Variants in SPRED2 observed in about 807,000 individuals in gnomAD.
SPRED2 encodes the protein sprouty-related, EVH1 domain-containing protein 2.
SPRED2 carries 47 observed loss-of-function variants against 43.0 expected under a neutral mutation model. That is an observed-to-expected ratio of 1.09 (90% CI 0.87 to 1.40). The LOEUF (loss-of-function observed/expected upper bound fraction) is 1.40, where lower values mean the gene tolerates loss of function less well. SPRED2 is among the 40% of genes most tolerant of loss of function. The pLI is 0.00. For missense variants in SPRED2, 561 were observed against 586.4 expected, an observed-to-expected ratio of 0.96 and a Z score of 0.45; for synonymous variants, 225 against 225.7, an observed-to-expected ratio of 1.00 and a Z score of 0.03.
Position 65,432,231 on chromosome 2 carries a change from G to A in SPRED2, c.-244C>T, listed in dbSNP as rs1236225455. 1.8e-6 allele frequency: 1 copy of A among 541,838 alleles called. No individual in the cohort carries two copies. Among genetic ancestry groups the A allele is most frequent in the African/African-American group, 1.9e-5 (1 of 51,980 alleles). 33.6% of individuals were successfully genotyped at this position (541,838 alleles called of 1,614,324 possible). On this transcript the variant is annotated 5_prime_UTR_variant, in exon 1 of 6. Transcript: ENST00000356388. ...GCAGCGCCGTGGGGAGAGGCGGGCGGAGGCTCCGGGGGCTCGGGAGCGGGC... is the reference window on the plus strand; with the variant it reads ...GCAGCGCCGTGGGGAGAGGCGGGCGAAGGCTCCGGGGGCTCGGGAGCGGGC...
chr2:65,424,532 T>A, intron 1 of SPRED2, among the ~76,000 whole-genome samples: 1 of 152,084 alleles, frequency 6.6e-6, no homozygotes, highest in East Asian at 1.9e-4. Flanking sequence ...GAGGCTGAGA[T>A]GGGAGCACTG....
chr2:65,378,578 T>C (rs1045021258), intron 1 of SPRED2, among the ~76,000 whole-genome samples: 10 of 152,318 alleles, frequency 6.6e-5, no homozygotes, highest in South Asian at 6.2e-4. Flanking sequence ...AAAATGGCTA[T>C]ATGCCACTGA....
At position 65,314,134 on chromosome 2, in the gene SPRED2, C is replaced by T; in HGVS notation, c.624G>A (p.Pro208=). ...MPRPYRQVSF[P]DDDEEIVRIN... The stretch of plus-strand genomic sequence containing the variant: ...TGCGCACGATCTCCTCGTCGTCGTC[C>T]GGGAAGCTCACCTGGCGGTAGGGCC... The change falls in exon 6 of 6, where the codon CCG becomes CCA. Residue 208 remains proline, a synonymous_variant. Coordinates refer to ENST00000356388, the MANE Select transcript of SPRED2 (RefSeq NM_181784.3). The T allele has an allele frequency of 1.2e-6, 2 of 1,602,538 alleles. No homozygotes were observed. Among genetic ancestry groups the T allele is most frequent in the Non-Finnish European group, 1.7e-6 (2 of 1,170,620 alleles).
At chr2:65,323,033 C>T (rs1184883808) in intron 4 of SPRED2, among the ~76,000 whole-genome samples, 8 of 152,114 alleles carry the variant, frequency 5.3e-5, no homozygotes, top group South Asian at 2.1e-4. Flanking sequence ...CTCGCTCTGT[C>T]GCCCAGGCTG....
chr2:65,424,510 G>A (rs370987387), intron 1 of SPRED2, among the ~76,000 whole-genome samples: 15 of 152,040 alleles, frequency 9.9e-5, no homozygotes, highest in South Asian at 8.3e-4. Flanking sequence ...ACCTGTGGTC[G>A]CAGCTACTTG....
chr2:65,420,078 C>T (rs572430268), intron 1 of SPRED2, among the ~76,000 whole-genome samples: 10 of 151,978 alleles, frequency 6.6e-5, no homozygotes, highest in Admixed American at 5.2e-4. Context: ...GGCGTGGTGG[C>T]GCTTGCCTGT....
intron 1 of SPRED2, among the ~76,000 whole-genome samples, chr2:65,351,172 T>G (rs1422341567): frequency 1.3e-5 from 2 of 152,110 alleles, no homozygotes; most frequent in Non-Finnish European, 2.9e-5. Context: ...GCAGGGAAGC[T>G]GTCAGGCTCT....
At chr2:65,422,576 AT>A (rs1314039868) in intron 1 of SPRED2, among the ~76,000 whole-genome samples, 1 of 152,040 alleles carries the variant, frequency 6.6e-6, no homozygotes, top group Non-Finnish European at 1.5e-5. Context: ...CCACTCATTT[AT>A]TTTATCCAAT....
At chr2:65,346,787 C>T (rs1209228423) in intron 1 of SPRED2, among the ~76,000 whole-genome samples, 1 of 152,138 alleles carries the variant, frequency 6.6e-6, no homozygotes, top group Non-Finnish European at 1.5e-5. Context: ...ACACCCTGAC[C>T]CCTCTCACAA....
At chr2:65,406,992 C>T (rs1676039645) in intron 1 of SPRED2, among the ~76,000 whole-genome samples, 1 of 151,462 alleles carries the variant, frequency 6.6e-6, no homozygotes, top group Admixed American at 6.6e-5. Context: ...GCAGTGGTGC[C>T]ATCTCGGCTC....
chr2:65,377,850 G>A (rs1249201520), intron 1 of SPRED2: 1 of 377,650 alleles, frequency 2.6e-6, no homozygotes, highest in Non-Finnish European at 5.3e-6. Context: ...CTCCAGCAAA[G>A]GGGCAGGAAA....
intron 1 of SPRED2, among the ~76,000 whole-genome samples, chr2:65,348,807 T>A (rs565546997): frequency 3.1e-4 from 44 of 141,712 alleles, no homozygotes; most frequent in Admixed American, 1.0e-3. Flanking sequence ...AAAAAAAAAA[T>A]CTATGGCTAA....
intron 1 of SPRED2, among the ~76,000 whole-genome samples, chr2:65,425,403 A>G (rs1676533942): frequency 6.6e-6 from 1 of 152,370 alleles, no homozygotes; most frequent in African/African-American, 2.4e-5. Context: ...TTGTTTTTAA[A>G]TAAATATTCA....
intron 1 of SPRED2, among the ~76,000 whole-genome samples, chr2:65,414,698 G>A (rs1676233510): frequency 6.6e-6 from 1 of 152,192 alleles, no homozygotes; most frequent in Non-Finnish European, 1.5e-5. Flanking sequence ...TACATGCTTG[G>A]TGAACTGCAG....
At position 65,424,294 on chromosome 2, in the gene SPRED2, T is replaced by A. The variant is rs949220731; in HGVS notation, c.26+7668A>T. Among the ~76,000 whole-genome samples the A allele has an allele frequency of 3.3e-5, 5 of 152,134 alleles. No homozygotes were observed. In the South Asian group the frequency reaches 1.0e-3, roughly 32 times the overall value. On this transcript the variant is annotated intron_variant, in intron 1 of 5. Coordinates refer to ENST00000356388, the MANE Select transcript of SPRED2 (RefSeq NM_181784.3). ...TTGAAAAAGCAACTCAAAGTCTTTT[T>A]TGGATATAGGTATCCAAAAAAGATA...
chr2:65,424,767 GT>G (rs34888767), intron 1 of SPRED2, among the ~76,000 whole-genome samples: 110,067 of 152,058 alleles, frequency 0.72, 41,397 homozygotes, highest in African/African-American at 0.93. Flanking sequence ...CCTGGGCAAC[GT>G]TAAGAAGACC....
chr2:65,328,439 G>A (rs1273971979), intron 4 of SPRED2, among the ~76,000 whole-genome samples: 1 of 152,210 alleles, frequency 6.6e-6, no homozygotes. Flanking sequence ...GGACAGCAGA[G>A]TGTGGAACTG....
intron 1 of SPRED2, among the ~76,000 whole-genome samples, chr2:65,414,371 AT>A (rs1348149791): frequency 6.6e-6 from 1 of 152,234 alleles, no homozygotes; most frequent in Non-Finnish European, 1.5e-5. Flanking sequence ...TGAAGCTAAT[AT>A]TCCTGCTGCC....
chr2:65,385,911 G>C (rs1375125454), intron 1 of SPRED2, among the ~76,000 whole-genome samples: 1 of 152,196 alleles, frequency 6.6e-6, no homozygotes, highest in Non-Finnish European at 1.5e-5. Flanking sequence ...TTCAGGTAAA[G>C]TTGATTTTTC....
Sources: allele counts gnomAD v4.1 joint callset (sites outside exome capture counted in the v4.1 genomes callset), GRCh38; gene constraint gnomAD v4.1.1; transcripts MANE v1.5; gene names NCBI Gene and HGNC (gene_info 2026-07-23, HGNC 2026-07-21).